Variants in DMTF1 observed in about 807,000 individuals in gnomAD.
DMTF1 encodes cyclin-D-binding Myb-like transcription factor 1.
A neutral mutation model predicts 91.1 loss-of-function variants in DMTF1; 39 were observed. The ratio of observed to expected loss-of-function variants is 0.43; its 90% CI spans 0.33 to 0.56. DMTF1 has a LOEUF of 0.56. Ranked by LOEUF, DMTF1 falls within the 20% of genes least tolerant of loss-of-function variation. The pLI, the probability that DMTF1 is intolerant of heterozygous loss-of-function variation, is 0.05. For synonymous variants in DMTF1, 338 were observed against 309.5 expected (o/e 1.09, Z -0.97); for missense variants, 750 against 914.5 (o/e 0.82, Z 2.32).
rs187797207 is a variant in DMTF1, at chr7:87,184,908, C to T, written c.1049+283C>T. The T allele has an allele frequency of 2.5e-5, 13 of 527,022 alleles. 1 individual carries two copies. The highest frequency in any genetic ancestry group is 1.2e-4 in the South Asian group (8 of 65,158). 32.6% of individuals were successfully genotyped at this position (527,022 alleles called of 1,614,324 possible). A position where few individuals can be genotyped will look rare whatever the true frequency, so the allele number is the denominator to read the frequency against. On this transcript the variant is annotated intron_variant, in intron 11 of 17. Coordinates refer to ENST00000331242, the MANE Select transcript of DMTF1 (RefSeq NM_001142327.2). Reference sequence around the variant, plus strand: ...CACAGAACAGGTATGGCACAGGCAGCGGCAGTGTAGCTTTTCCACTGTCCC... The same window carrying T: ...CACAGAACAGGTATGGCACAGGCAGTGGCAGTGTAGCTTTTCCACTGTCCC...
chr7:87,174,063 T>C (rs1795701153), intron 6 of DMTF1, among the ~76,000 whole-genome samples: 1 of 151,880 alleles, frequency 6.6e-6, no homozygotes, highest in Non-Finnish European at 1.5e-5. Flanking sequence ...CTGGGGAAGG[T>C]GCTACAAAAA....
At chr7:87,165,096 A>G in intron 3 of DMTF1, 46 bp downstream of exon 3, 2 of 1,429,940 alleles carry the variant, frequency 1.4e-6, no homozygotes, top group Non-Finnish European at 9.7e-7. Flanking sequence ...TGAATTTATG[A>G]ATTCCATGTC....
intron 11 of DMTF1, 142 bp downstream of exon 11, chr7:87,184,767 T>TATTTCATATTGATTTTC (rs1229551560): frequency 2.6e-6 from 2 of 773,218 alleles, no homozygotes; most frequent in Non-Finnish European, 4.5e-6. Context: ...AGATCTTAAG[T>TATTTCATATTGATTTTC]ATTTCATATT....
chr7:87,195,043 A>C lies in DMTF1; in HGVS notation c.2186A>C (p.Gln729Pro). ...PLTTLTDPIL[Q>P]HHQEESNIIG... ...AAACTCATTACAGATCCCATACTCCAACATCATCAGGAAGAATCAAATATC... is the reference window on the plus strand; with the variant it reads ...AAACTCATTACAGATCCCATACTCCCACATCATCAGGAAGAATCAAATATC... The change falls in exon 18 of 18, where the codon CAA becomes CCA. Residue 729 changes from glutamine to proline, a missense_variant. By Grantham distance (76) the Gln-to-Pro change is moderately conservative. Transcript: ENST00000331242. 3 of 1,611,528 alleles carry C rather than the reference A, an allele frequency of 1.9e-6. No individual in the cohort carries two copies. Among genetic ancestry groups the C allele is most frequent in the Non-Finnish European group, 2.5e-6 (3 of 1,178,380 alleles).
intron 1 of DMTF1, among the ~76,000 whole-genome samples, chr7:87,159,352 G>A (rs976114912): frequency 6.6e-6 from 1 of 152,056 alleles, no homozygotes; most frequent in Non-Finnish European, 1.5e-5. Flanking sequence ...TCCTTGCACA[G>A]CTTTCTAATA....
intron 8 of DMTF1, among the ~76,000 whole-genome samples, chr7:87,179,973 C>G (rs1796990040): frequency 6.6e-6 from 1 of 152,046 alleles, no homozygotes; most frequent in Non-Finnish European, 1.5e-5. Flanking sequence ...ATAAAAAATA[C>G]AGTAATGATT....
chr7:87,157,527 T>C (rs1183704823), intron 1 of DMTF1, among the ~76,000 whole-genome samples: 3 of 152,094 alleles, frequency 2.0e-5, no homozygotes, highest in East Asian at 3.8e-4. Flanking sequence ...TTAGAAGATA[T>C]TCAACACTTA....
intron 13 of DMTF1, among the ~76,000 whole-genome samples, chr7:87,190,122 A>G (rs956714639): frequency 6.6e-6 from 1 of 152,094 alleles, no homozygotes; most frequent in East Asian, 1.9e-4. Flanking sequence ...AGCATGTTCT[A>G]TTTAACCTTG....
At chr7:87,161,354 T>C (rs905414009) in intron 1 of DMTF1, among the ~76,000 whole-genome samples, 4 of 151,972 alleles carry the variant, frequency 2.6e-5, no homozygotes, top group African/African-American at 9.7e-5. Flanking sequence ...ACCAAAAAAT[T>C]AGCTGGGCAT....
intron 13 of DMTF1, 135 bp from the exon 14 acceptor site, chr7:87,190,810 A>G: frequency 3.2e-6 from 2 of 626,534 alleles, no homozygotes; most frequent in Non-Finnish European, 5.3e-6. Flanking sequence ...AGAAATGTAA[A>G]TGACTTCAGG....
intron 12 of DMTF1, 183 bp from the exon 13 acceptor site, chr7:87,187,906 CGAT>C (rs1473739535): frequency 3.5e-6 from 2 of 577,214 alleles, no homozygotes; most frequent in Non-Finnish European, 6.2e-6. Context: ...AAATTTGTTA[CGAT>C]GTTTATAAAA....
intron 14 of DMTF1, among the ~76,000 whole-genome samples, 169 bp downstream of exon 14, chr7:87,191,196 A>G (rs1799683612): frequency 6.6e-6 from 1 of 152,164 alleles, no homozygotes; most frequent in African/African-American, 2.4e-5. Context: ...TCTCATCTGT[A>G]TATAAACCAA....
At chr7:87,178,067 G>C (rs1796606394) in intron 7 of DMTF1, among the ~76,000 whole-genome samples, 1 of 152,014 alleles carries the variant, frequency 6.6e-6, no homozygotes, top group Non-Finnish European at 1.5e-5. Flanking sequence ...CATCAACTTG[G>C]GGGGAATTAA....
In DMTF1 at chr7:87,188,023, C is replaced by G; in HGVS notation, c.1202-69C>G. The G allele has an allele frequency of 1.0e-5, 13 of 1,285,910 alleles. 1 individual carries two copies. The South Asian group carries it at 1.4e-4, about 14-fold the overall frequency. 79.7% of individuals were successfully genotyped at this position (1,285,910 alleles called of 1,614,324 possible). On this transcript the variant is annotated intron_variant, in intron 12 of 17. Transcript: ENST00000331242. ...ACTTTCCCTCCTTACCTCCCCCCAC[C>G]TCCCTTGCTGCTTAGATGGTGGTCT... is the stretch of plus-strand genomic sequence containing the variant.
chr7:87,183,367 T>C (rs1470735900), intron 10 of DMTF1, among the ~76,000 whole-genome samples: 1 of 152,198 alleles, frequency 6.6e-6, no homozygotes, highest in East Asian at 1.9e-4. Flanking sequence ...GTAACAAAAT[T>C]TGGAAGGACA....
Position 87,165,064 on chromosome 7 carries a change from C to T in DMTF1, c.109+14C>T. 1 of 1,563,036 alleles carries T rather than the reference C, an allele frequency of 6.4e-7. No homozygotes were observed. The highest frequency in any genetic ancestry group is 8.8e-7 in the Non-Finnish European group (1 of 1,139,082). On this transcript the variant is annotated intron_variant, in intron 3 of 17. Transcript: ENST00000331242. ...GCCCTCAGAATGGTAGGAGAACTTG[C>T]TGACATATAATTCTGACTCTCTGAA...
chr7:87,171,060 G>T lies in DMTF1; in HGVS notation c.298G>T (p.Val100Phe). Reference protein sequence around the residue: ...TATTEVADDEVTEGTVTQIQI... With the variant: ...TATTEVADDEFTEGTVTQIQI... Reference sequence around the variant, plus strand: ...AACCACAGAAGTAGCAGATGATGAGGTTACTGAGGGGACTGTGACACAGAT... The same window carrying T: ...AACCACAGAAGTAGCAGATGATGAGTTTACTGAGGGGACTGTGACACAGAT... The change falls in exon 5 of 18, where the codon GTT becomes TTT. Residue 100 changes from valine to phenylalanine, a missense_variant. Around this residue, in one of 3 missense-constraint regions of DMTF1, gnomAD observed 150 missense variants for 150.4 expected, o/e 1.00. Coordinates refer to ENST00000331242, the MANE Select transcript of DMTF1 (RefSeq NM_001142327.2). 6.2e-7 allele frequency: 1 copy of T among 1,611,450 alleles called. No homozygotes were observed. The highest frequency in any genetic ancestry group is 8.5e-7 in the Non-Finnish European group (1 of 1,177,810).
intron 11 of DMTF1, chr7:87,185,110 T>A: frequency 4.0e-6 from 1 of 247,602 alleles, no homozygotes; most frequent in African/African-American, 2.3e-5. Flanking sequence ...TTCATACAAA[T>A]TCAAAAAAGC....
intron 1 of DMTF1, among the ~76,000 whole-genome samples, chr7:87,153,860 T>C (rs1277983606): frequency 6.6e-6 from 1 of 152,258 alleles, no homozygotes; most frequent in South Asian, 2.1e-4. Context: ...TCTTCCACTA[T>C]GTTGAAAGTA....
Sources: gnomAD v4.1 joint callset for allele counts (sites outside exome capture counted in the v4.1 genomes callset) on GRCh38, gnomAD v4.1.1 for gene constraint, gnomAD v4.1.1 regional missense constraint, MANE v1.5 for transcripts, NCBI Gene and HGNC (gene_info 2026-07-23, HGNC 2026-07-21) for gene names.